Variants in LRRC8D observed in about 807,000 individuals in gnomAD.
The protein encoded by LRRC8D is volume-regulated anion channel subunit LRRC8D.
Under a neutral mutation model 55.8 loss-of-function variants are expected in LRRC8D, and 20 were observed. The observed-to-expected ratio is 0.36, with a 90% CI of 0.25 to 0.52. The LOEUF is 0.52. LRRC8D is among the 20% of genes least tolerant of loss of function. LRRC8D has a pLI of 0.93. For missense variants in LRRC8D, 651 were observed against 1,030.8 expected (o/e 0.63, Z 5.05); for synonymous variants, 352 against 377.0 (o/e 0.93, Z 0.77).
intron 2 of LRRC8D, among the ~76,000 whole-genome samples, chr1:89,848,298 C>T (rs1387036612): frequency 6.6e-6 from 1 of 152,142 alleles, no homozygotes; most frequent in African/African-American, 2.4e-5. Flanking sequence ...ATGGTCATAG[C>T]CACTACCACC....
At chr1:89,844,095 C>T (rs1661213975) in intron 2 of LRRC8D, among the ~76,000 whole-genome samples, 3 of 152,208 alleles carry the variant, frequency 2.0e-5, no homozygotes, top group South Asian at 2.1e-4. Context: ...CCCAGCTGCC[C>T]TCTCCACCCT....
intron 2 of LRRC8D, among the ~76,000 whole-genome samples, chr1:89,844,028 C>A (rs189451757): frequency 1.1e-4 from 17 of 152,362 alleles, no homozygotes; most frequent in African/African-American, 4.1e-4. Context: ...GCTTTCCAGG[C>A]TGGACTGCCC....
intron 2 of LRRC8D, among the ~76,000 whole-genome samples, chr1:89,900,650 A>G (rs1325777108): frequency 6.6e-6 from 1 of 152,230 alleles, no homozygotes; most frequent in East Asian, 1.9e-4. Context: ...TTTTATAAAG[A>G]AAGTCTTTGG....
At chr1:89,910,834 C>T (rs550268165) in intron 2 of LRRC8D, among the ~76,000 whole-genome samples, 1 of 152,222 alleles carries the variant, frequency 6.6e-6, no homozygotes, top group South Asian at 2.1e-4. Flanking sequence ...TCCTGTCTTC[C>T]CCTGCCTATT....
chr1:89,840,808 G>T (rs757931738), intron 1 of LRRC8D, among the ~76,000 whole-genome samples: 12 of 152,166 alleles, frequency 7.9e-5, no homozygotes, highest in Middle Eastern at 6.8e-3. Flanking sequence ...AGGCTCTGCA[G>T]GTTTAAGTTT....
At chr1:89,927,338 C>T (rs1322451213) in intron 2 of LRRC8D, among the ~76,000 whole-genome samples, 1 of 151,958 alleles carries the variant, frequency 6.6e-6, no homozygotes, top group Non-Finnish European at 1.5e-5. Flanking sequence ...CCTGAGTGTA[C>T]AGATCACATT....
intron 2 of LRRC8D, among the ~76,000 whole-genome samples, chr1:89,907,183 C>CTTTTTTTTTTTTT (rs71584958): frequency 1.4e-5 from 1 of 69,774 alleles, no homozygotes; most frequent in Non-Finnish European, 2.8e-5. Context: ...TCCACTGTGT[C>CTTTTTTTTTTTTT]TTTTTTTTTT....
At chr1:89,878,707 T>G (rs964409256) in intron 2 of LRRC8D, among the ~76,000 whole-genome samples, 1 of 152,202 alleles carries the variant, frequency 6.6e-6, no homozygotes, top group African/African-American at 2.4e-5. Context: ...GTCTCACGCC[T>G]GTAATCCCAG....
At chr1:89,904,862 T>C (rs1353558717) in intron 2 of LRRC8D, among the ~76,000 whole-genome samples, 2 of 152,162 alleles carry the variant, frequency 1.3e-5, no homozygotes, top group Non-Finnish European at 1.5e-5. Context: ...GATTGTTGAA[T>C]GGTTGTGAGG....
intron 2 of LRRC8D, among the ~76,000 whole-genome samples, chr1:89,852,280 C>T (rs935235447): frequency 2.0e-5 from 3 of 152,160 alleles, no homozygotes; most frequent in Non-Finnish European, 4.4e-5. Flanking sequence ...CTTACATGCT[C>T]ATTAGAGGAC....
intron 2 of LRRC8D, among the ~76,000 whole-genome samples, chr1:89,876,878 G>A (rs1293793393): frequency 1.3e-5 from 2 of 152,234 alleles, no homozygotes; most frequent in Non-Finnish European, 2.9e-5. Context: ...CATGAAGATT[G>A]AAAAGTTTCT....
chr1:89,862,628 C>G (rs962069557), intron 2 of LRRC8D, among the ~76,000 whole-genome samples: 3 of 152,112 alleles, frequency 2.0e-5, no homozygotes, highest in African/African-American at 7.2e-5. Flanking sequence ...ATAACTGTAT[C>G]CATTTTTGTC....
intron 1 of LRRC8D, among the ~76,000 whole-genome samples, chr1:89,829,434 G>A (rs374376618): frequency 7.2e-5 from 11 of 152,150 alleles, no homozygotes; most frequent in East Asian, 1.9e-4. Flanking sequence ...TAGAAGTGGC[G>A]GAGGTGGAAT....
At chr1:89,918,497 A>T (rs1341361599) in intron 2 of LRRC8D, among the ~76,000 whole-genome samples, 2 of 152,216 alleles carry the variant, frequency 1.3e-5, no homozygotes. Flanking sequence ...TGGCACCTTC[A>T]CTGTCTCAAG....
intron 2 of LRRC8D, among the ~76,000 whole-genome samples, chr1:89,852,465 C>T (rs192403604): frequency 1.8e-4 from 27 of 152,214 alleles, no homozygotes; most frequent in Non-Finnish European, 3.1e-4. Context: ...TCTTAGTCCC[C>T]GCCCCTCCGT....
chr1:89,877,127 CAA>C (rs1327349900), intron 2 of LRRC8D, among the ~76,000 whole-genome samples: 1 of 152,108 alleles, frequency 6.6e-6, no homozygotes, highest in African/African-American at 2.4e-5. Context: ...TCAAATATGA[CAA>C]GGGTCTGCTT....
intron 2 of LRRC8D, among the ~76,000 whole-genome samples, chr1:89,858,706 C>T (rs866490550): frequency 6.6e-6 from 1 of 150,742 alleles, no homozygotes; most frequent in Admixed American, 6.6e-5. Flanking sequence ...CTTGCTGCAT[C>T]AAAGTGAACA....
intron 2 of LRRC8D, among the ~76,000 whole-genome samples, chr1:89,904,565 AT>A (rs1205523117): frequency 6.6e-6 from 1 of 152,116 alleles, no homozygotes; most frequent in East Asian, 1.9e-4. Flanking sequence ...GCTCCAGGTT[AT>A]TTCCTTTGGT....
chr1:89,875,747 C>T (rs189822907), intron 2 of LRRC8D, among the ~76,000 whole-genome samples: 142 of 152,242 alleles, frequency 9.3e-4, no homozygotes, highest in Admixed American at 2.9e-3. Context: ...AGAGGACTTA[C>T]TCTATGCCAA....
Sources: gnomAD v4.1 joint callset for allele counts (sites outside exome capture counted in the v4.1 genomes callset) on GRCh38, gnomAD v4.1.1 for gene constraint, MANE v1.5 for transcripts, NCBI Gene and HGNC (gene_info 2026-07-23, HGNC 2026-07-21) for gene names.